The following SPTBN1 variants were observed in gnomAD, a reference collection of about 807,000 sequenced individuals.
SPTBN1 encodes the protein spectrin beta, non-erythrocytic 1.
SPTBN1 carries 32 observed loss-of-function variants against 266.4 expected under a neutral mutation model. That is an observed-to-expected ratio of 0.12 (90% CI 0.09 to 0.16). SPTBN1 has a LOEUF of 0.16. SPTBN1 is among the 10% of genes least tolerant of loss of function. The pLI, the probability that SPTBN1 is intolerant of heterozygous loss-of-function variation, is 1.00. For synonymous variants in SPTBN1, 1,336 were observed against 1,162.2 expected, an observed-to-expected ratio of 1.15 and a Z score of -3.04; for missense variants, 2,296 against 3,067.1, an observed-to-expected ratio of 0.75 and a Z score of 5.94.
At position 54,653,586 on chromosome 2, in the gene SPTBN1, T is replaced by A; in HGVS notation, c.5578-23T>A. 1 of 1,610,826 alleles carries A rather than the reference T, an allele frequency of 6.2e-7. No homozygotes were observed. ...GAAGGCCGCCATGGGCTGACCTGGC[T>A]CATCCCCTACATGGCTTCACAGGTG... On this transcript the variant is annotated intron_variant, in intron 26 of 35. Coordinates refer to ENST00000356805, the MANE Select transcript of SPTBN1 (RefSeq NM_003128.3). The surrounding 1 kb of genome is among the most constrained non-coding windows in gnomAD (Gnocchi z 5.1).
At chr2:54,526,333 C>A (rs1670813361) in intron 1 of SPTBN1, 39 bp from the exon 2 acceptor site, 11 of 1,550,356 alleles carry the variant, frequency 7.1e-6, no homozygotes, top group Non-Finnish European at 9.6e-6. Context: ...ACTGTATACA[C>A]TTCAGACGTC....
chr2:54,526,033 T>C (rs1325912874), intron 1 of SPTBN1, among the ~76,000 whole-genome samples: 2 of 152,244 alleles, frequency 1.3e-5, no homozygotes, highest in African/African-American at 4.8e-5. Flanking sequence ...CACCTGGCCC[T>C]CTGATAACAT....
intron 24 of SPTBN1, among the ~76,000 whole-genome samples, chr2:54,647,946 A>G (rs1306148883): frequency 1.3e-5 from 2 of 152,230 alleles, no homozygotes; most frequent in Non-Finnish European, 2.9e-5. Context: ...TTAGTAAAGT[A>G]ATTACTAGTT....
intron 2 of SPTBN1, chr2:54,557,890 C>G (rs999058308): frequency 7.1e-6 from 7 of 985,272 alleles, no homozygotes; most frequent in Admixed American, 6.1e-5. Flanking sequence ...GACTTCTTCC[C>G]GGTGGCTCGC....
At chr2:54,614,432 G>T (rs1168477073) in intron 4 of SPTBN1, among the ~76,000 whole-genome samples, 2 of 152,012 alleles carry the variant, frequency 1.3e-5, no homozygotes, top group East Asian at 3.9e-4. Context: ...ACCAGGATAT[G>T]GCCTACCCTA....
rs1486076246 is a variant in SPTBN1, at chr2:54,649,025, G to C, written c.5037G>C (p.Leu1679=). Residue 1679 remains leucine (L), a synonymous_variant, in exon 25 of 36, where the codon CTG becomes CTC. Transcript: ENST00000356805. This position sits in a 1 kb window ranked among gnomAD's most constrained non-coding sequence, Gnocchi z 6.7. The part of the protein sequence containing the change: ...ISMRQSKVDK[L]YAGLKDLAEE... ...TGCGGCAGTCCAAAGTGGATAAACT[G>C]TACGCTGGTCTGAAAGACCTTGCTG... 10 of 1,613,928 alleles carry C rather than the reference G, an allele frequency of 6.2e-6. No homozygotes were observed. Among genetic ancestry groups the C allele is most frequent in the Non-Finnish European group, 7.6e-6 (9 of 1,179,944 alleles).
intron 2 of SPTBN1, among the ~76,000 whole-genome samples, chr2:54,537,960 T>C (rs1671708115): frequency 1.3e-5 from 2 of 152,216 alleles, no homozygotes; most frequent in African/African-American, 4.8e-5. Context: ...CAGCTCTCCC[T>C]GGAACCACAT....
chr2:54,498,463 A>G (rs1048491694), intron 1 of SPTBN1, among the ~76,000 whole-genome samples: 1 of 152,212 alleles, frequency 6.6e-6, no homozygotes, highest in African/African-American at 2.4e-5. Flanking sequence ...GACCTTGGAC[A>G]ACATTCCCTG....
At chr2:54,620,821 A>G (rs983782098) in intron 7 of SPTBN1, among the ~76,000 whole-genome samples, 1 of 152,248 alleles carries the variant, frequency 6.6e-6, no homozygotes, top group African/African-American at 2.4e-5. Flanking sequence ...CTTATAGTTT[A>G]TTCTTCAGAC....
chr2:54,588,413 G>T (rs1329110721), intron 2 of SPTBN1, among the ~76,000 whole-genome samples: 3 of 152,136 alleles, frequency 2.0e-5, no homozygotes, highest in Non-Finnish European at 4.4e-5. Context: ...TGGGATGGTG[G>T]TTGGAACTAA....
Position 54,645,567 on chromosome 2 carries a change from C to G in SPTBN1, c.4494+114C>G, listed in dbSNP as rs1679869358. ...CCTTGGGCCACGTTGGCAAGCTGAGCTGCCAAAGTCCACGCTCTGGATGGT... is the reference window on the plus strand; with the variant it reads ...CCTTGGGCCACGTTGGCAAGCTGAGGTGCCAAAGTCCACGCTCTGGATGGT... On this transcript the variant is annotated intron_variant, in intron 21 of 35. Coordinates refer to ENST00000356805, the MANE Select transcript of SPTBN1 (RefSeq NM_003128.3). This position sits in a 1 kb window ranked among gnomAD's most constrained non-coding sequence, Gnocchi z 4.3. 1.8e-6 allele frequency: 2 copies of G among 1,083,182 alleles called. No individual in the cohort carries two copies. The highest frequency in any genetic ancestry group is 2.7e-6 in the Non-Finnish European group (2 of 750,444). 67.1% of individuals were successfully genotyped at this position (1,083,182 alleles called of 1,614,324 possible).
intron 12 of SPTBN1, 104 bp from the exon 13 acceptor site, chr2:54,627,993 G>C: frequency 7.3e-7 from 1 of 1,376,532 alleles, no homozygotes. Context: ...AGACTAGAGG[G>C]AAGGCATAGC....
chr2:54,667,729 T>A, intron 35 of SPTBN1, 83 bp downstream of exon 35: 1 of 1,244,342 alleles, frequency 8.0e-7, no homozygotes, highest in Non-Finnish European at 1.2e-6. Flanking sequence ...CAGAAAGTTC[T>A]TCATGTAAAT....
At chr2:54,654,532 A>G (rs1365653170) in intron 27 of SPTBN1, among the ~76,000 whole-genome samples, 1 of 152,176 alleles carries the variant, frequency 6.6e-6, no homozygotes, top group Non-Finnish European at 1.5e-5. Context: ...AAGCAGTTGT[A>G]TTTCCTGGAT....
chr2:54,456,350 C>G lies in SPTBN1; in HGVS notation c.-216C>G, dbSNP rs1367421075. ...CCAGTCCCTCCCTCGGCCGCCTCTC[C>G]TCCCGGAGCGAGCGCGCAGCCCTGC... On this transcript the variant is annotated 5_prime_UTR_variant, in exon 1 of 36. Coordinates refer to ENST00000356805, the MANE Select transcript of SPTBN1 (RefSeq NM_003128.3). 1 of 152,578 alleles carries G rather than the reference C, an allele frequency of 6.6e-6. No individual in the cohort carries two copies. Among genetic ancestry groups the G allele is most frequent in the African/African-American group, 2.4e-5 (1 of 41,454 alleles). The allele number at this position is 152,578 out of a possible 1,614,324, so 9.5% of individuals were successfully genotyped here. A position where few individuals can be genotyped will look rare whatever the true frequency, so the allele number is the denominator to read the frequency against.
chr2:54,547,698 T>C (rs1344555088), intron 2 of SPTBN1, among the ~76,000 whole-genome samples: 1 of 152,122 alleles, frequency 6.6e-6, no homozygotes, highest in Non-Finnish European at 1.5e-5. Context: ...TCTTGGTAGA[T>C]GGTAATTAAA....
intron 2 of SPTBN1, among the ~76,000 whole-genome samples, chr2:54,585,213 A>G (rs953267315): frequency 6.6e-6 from 1 of 152,232 alleles, no homozygotes; most frequent in African/African-American, 2.4e-5. Context: ...TGTCTTGTAT[A>G]AAAGTGTGTT....
chr2:54,510,642 T>C (rs989834731), intron 1 of SPTBN1, among the ~76,000 whole-genome samples: 7 of 152,232 alleles, frequency 4.6e-5, no homozygotes, highest in Non-Finnish European at 8.8e-5. Context: ...GTTGCAGATA[T>C]TTTGGGAAAT....
At chr2:54,598,496 A>C (rs921093579) in intron 2 of SPTBN1, among the ~76,000 whole-genome samples, 19 of 152,198 alleles carry the variant, frequency 1.2e-4, no homozygotes, top group African/African-American at 3.9e-4. Flanking sequence ...TGTGTGACTG[A>C]GCAGGTGAAG....
Sources: allele counts gnomAD v4.1 joint callset (sites outside exome capture counted in the v4.1 genomes callset), GRCh38; gene constraint gnomAD v4.1.1; non-coding constraint Gnocchi (gnomAD v3.1); transcripts MANE v1.5; gene names NCBI Gene and HGNC (gene_info 2026-07-23, HGNC 2026-07-21).